The following ARID5B variants were observed in gnomAD, a reference collection of about 807,000 sequenced individuals.
ARID5B encodes the protein AT-rich interactive domain-containing protein 5B.
Under a neutral mutation model 97.2 loss-of-function variants are expected in ARID5B, and 13 were observed. The observed-to-expected ratio is 0.13, with a 90% CI of 0.09 to 0.21. The LOEUF is 0.21. Among genes scored for constraint, ARID5B ranks in the 10% least tolerant of loss-of-function variants. ARID5B has a pLI of 1.00. For synonymous variants in ARID5B, 556 were observed against 570.3 expected, an observed-to-expected ratio of 0.97 and a Z score of 0.36; for missense variants, 1,210 against 1,465.3, an observed-to-expected ratio of 0.83 and a Z score of 2.84.
chr10:62,018,194 G>C (rs533722272), intron 4 of ARID5B, among the ~76,000 whole-genome samples: 1 of 152,130 alleles, frequency 6.6e-6, no homozygotes. Context: ...CTGACTTCCT[G>C]GGCAGACCTC....
chr10:61,987,146 C>A (rs1481914866), intron 3 of ARID5B, among the ~76,000 whole-genome samples: 1 of 152,212 alleles, frequency 6.6e-6, no homozygotes, highest in Non-Finnish European at 1.5e-5. Flanking sequence ...CTCTTTCCCA[C>A]ATGCGATCTG....
At chr10:62,077,945 TG>T (rs2132965978) in intron 8 of ARID5B, among the ~76,000 whole-genome samples, 1 of 152,348 alleles carries the variant, frequency 6.6e-6, no homozygotes, top group East Asian at 1.9e-4. Flanking sequence ...GACAGAAGAA[TG>T]TAATTGTTTA....
chr10:62,065,536 G>A (rs1370499614), intron 7 of ARID5B, among the ~76,000 whole-genome samples: 1 of 152,066 alleles, frequency 6.6e-6, no homozygotes, highest in Non-Finnish European at 1.5e-5. Context: ...GATGAATTTG[G>A]CTATTTTCTT....
intron 3 of ARID5B, among the ~76,000 whole-genome samples, chr10:61,966,299 G>C (rs1486795935): frequency 2.0e-5 from 3 of 152,058 alleles, no homozygotes; most frequent in African/African-American, 7.2e-5. Flanking sequence ...GAGAGGCAGG[G>C]AGCACGTTTT....
intron 3 of ARID5B, among the ~76,000 whole-genome samples, chr10:61,945,886 C>G (rs574828882): frequency 6.6e-6 from 1 of 151,646 alleles, no homozygotes; most frequent in Non-Finnish European, 1.5e-5. Context: ...TAATTTAGAA[C>G]AGGGTTTACT....
rs543652402 is a variant in ARID5B at position 62,014,821 on chromosome 10, C to T, written c.733+14500C>T. ...AAATAATAATAGCTTTGAACAATGT[C>T]ATTAGCAAAAATTGACATGTCAGGC... On this transcript the variant is annotated intron_variant, in intron 4 of 9. Coordinates refer to ENST00000279873, the MANE Select transcript of ARID5B (RefSeq NM_032199.3). 6.6e-5 allele frequency among the ~76,000 whole-genome samples: 10 copies of T among 152,224 alleles called. No homozygotes were observed. In the South Asian group the frequency reaches 1.7e-3, roughly 25 times the overall value.
intron 4 of ARID5B, chr10:62,049,207 G>T: frequency 7.4e-7 from 1 of 1,346,212 alleles, no homozygotes; most frequent in South Asian, 1.7e-5. Flanking sequence ...GAGGTGGAGA[G>T]AGCAGAGCCC....
intron 4 of ARID5B, among the ~76,000 whole-genome samples, chr10:62,012,511 G>T (rs1485385065): frequency 6.6e-6 from 1 of 152,130 alleles, no homozygotes; most frequent in Non-Finnish European, 1.5e-5. Flanking sequence ...CAAGCAACTG[G>T]GCGGCAGAGC....
intron 2 of ARID5B, among the ~76,000 whole-genome samples, chr10:61,920,257 C>G (rs1302299486): frequency 6.6e-6 from 1 of 151,786 alleles, no homozygotes; most frequent in Admixed American, 6.6e-5. Flanking sequence ...ATTGTACTTA[C>G]AGTTAATACA....
chr10:62,092,717 G>T lies in ARID5B; in HGVS notation c.3254G>T (p.Ser1085Ile), dbSNP rs761478562. Residue 1085 changes from serine (S) to isoleucine (I), a missense_variant, in exon 10 of 10, where the codon AGC becomes ATC. By Grantham distance (142) the Ser-to-Ile change is moderately radical. Around this residue, in one of 8 missense-constraint regions of ARID5B, gnomAD observed 800 missense variants for 839.1 expected, o/e 0.95. Coordinates refer to ENST00000279873, the MANE Select transcript of ARID5B (RefSeq NM_032199.3). Reference protein sequence around the residue: ...SPIFPGLYSGSLCNSGLNSRL... With the variant: ...SPIFPGLYSGILCNSGLNSRL... ...ATCTTCCCAGGTCTGTATTCCGGGA[G>T]CCTGTGTAACTCGGGCCTCAACTCC... The T allele has an allele frequency of 8.7e-6, 14 of 1,614,012 alleles. No homozygotes were observed. The Admixed American group carries it at 1.7e-4, about 19-fold the overall frequency.
chr10:61,909,480 C>T (rs1338357338), intron 2 of ARID5B, among the ~76,000 whole-genome samples: 1 of 152,060 alleles, frequency 6.6e-6, no homozygotes, highest in East Asian at 1.9e-4. Flanking sequence ...CGCCAGCCAC[C>T]GCGGCCGGCT....
chr10:62,091,054 G>A lies in ARID5B; in HGVS notation c.1591G>A (p.Glu531Lys), dbSNP rs779891226. ...DQGSNSEKVA[E>K]EAGEKGPTPP... The stretch of plus-strand genomic sequence containing the variant: ...AGGTTCCAACAGTGAGAAGGTGGCA[G>A]AGGAGGCGGGAGAGAAGGGGCCCAC... The change falls in exon 10 of 10, where the codon GAG (glutamate) becomes AAG (lysine). Residue 531 changes from glutamate (E) to lysine (K), a missense_variant. Glu to Lys is a moderately conservative substitution (Grantham distance 56). Transcript: ENST00000279873. The A allele has an allele frequency of 8.1e-6, 13 of 1,613,896 alleles. No homozygotes were observed. Among genetic ancestry groups the A allele is most frequent in the Non-Finnish European group, 1.1e-5 (13 of 1,180,014 alleles).
chr10:61,946,574 G>T (rs1659065665), intron 3 of ARID5B, among the ~76,000 whole-genome samples: 1 of 152,038 alleles, frequency 6.6e-6, no homozygotes, highest in African/African-American at 2.4e-5. Flanking sequence ...ATATATTGTT[G>T]CACTATACTA....
intron 2 of ARID5B, among the ~76,000 whole-genome samples, chr10:61,917,874 G>A (rs1843938221): frequency 6.6e-6 from 1 of 152,196 alleles, no homozygotes; most frequent in African/African-American, 2.4e-5. Context: ...TAGGCTTGAG[G>A]AGGGAGGCAG....
At chr10:61,929,625 T>A (rs1159473308) in intron 2 of ARID5B, among the ~76,000 whole-genome samples, 1 of 152,228 alleles carries the variant, frequency 6.6e-6, no homozygotes, top group African/African-American at 2.4e-5. Flanking sequence ...GTGGCTTTGC[T>A]CTGTGAGGTT....
At chr10:62,001,408 C>A (rs1589253496) in intron 4 of ARID5B, among the ~76,000 whole-genome samples, 1 of 152,154 alleles carries the variant, frequency 6.6e-6, no homozygotes. Flanking sequence ...CATAGGGTCC[C>A]TTTGAACTGA....
intron 3 of ARID5B, among the ~76,000 whole-genome samples, chr10:61,962,973 G>A (rs1013725727): frequency 3.9e-5 from 6 of 152,256 alleles, no homozygotes; most frequent in South Asian, 2.1e-4. Flanking sequence ...ATTTAGAGCC[G>A]TGTTCGCAGC....
At chr10:61,989,705 T>C (rs773552569) in intron 3 of ARID5B, among the ~76,000 whole-genome samples, 2 of 152,242 alleles carry the variant, frequency 1.3e-5, no homozygotes, top group Non-Finnish European at 2.9e-5. Flanking sequence ...AGCTACACTT[T>C]AATGGATCAG....
At chr10:61,949,878 C>T (rs535960947) in intron 3 of ARID5B, among the ~76,000 whole-genome samples, 51 of 152,292 alleles carry the variant, frequency 3.3e-4, no homozygotes, top group African/African-American at 1.1e-3. Flanking sequence ...TCTTATGCGG[C>T]CTTGGCTTCA....
Sources: allele counts gnomAD v4.1 joint callset (sites outside exome capture counted in the v4.1 genomes callset), GRCh38; gene constraint gnomAD v4.1.1; regional missense constraint gnomAD v4.1.1; transcripts MANE v1.5; gene names NCBI Gene and HGNC (gene_info 2026-07-23, HGNC 2026-07-21).